ERBB4: variants seen among roughly 807,000 people sequenced by gnomAD.
The protein encoded by ERBB4 is receptor tyrosine-protein kinase erbB-4.
Under a neutral mutation model 158.0 loss-of-function variants are expected in ERBB4, and 42 were observed. The ratio of observed to expected loss-of-function variants is 0.27; its 90% CI spans 0.21 to 0.34. The LOEUF (loss-of-function observed/expected upper bound fraction) is 0.34. Among genes scored for constraint, ERBB4 ranks in the 10% least tolerant of loss-of-function variants. ERBB4 has a pLI of 1.00. For synonymous variants in ERBB4, 583 were observed against 558.7 expected, an observed-to-expected ratio of 1.04 and a Z score of -0.61; for missense variants, 1,333 against 1,624.1, an observed-to-expected ratio of 0.82 and a Z score of 3.08.
At chr2:212,439,423 C>T (rs540610395) in intron 1 of ERBB4, among the ~76,000 whole-genome samples, 7 of 151,926 alleles carry the variant, frequency 4.6e-5, no homozygotes, top group Non-Finnish European at 7.4e-5. Flanking sequence ...ACAAATGTAC[C>T]GTCTCCAAAC....
At chr2:211,861,157 A>AT (rs1445918264) in intron 3 of ERBB4, among the ~76,000 whole-genome samples, 1 of 29,894 alleles carries the variant, frequency 3.3e-5, no homozygotes, top group African/African-American at 1.1e-4. Flanking sequence ...TATATATATT[A>AT]AAAAAAAGTA....
At chr2:211,945,108 T>C (rs1342805153) in intron 3 of ERBB4, among the ~76,000 whole-genome samples, 1 of 152,190 alleles carries the variant, frequency 6.6e-6, no homozygotes, top group Non-Finnish European at 1.5e-5. Flanking sequence ...TACCTGAACT[T>C]AATTACGGCA....
Position 211,378,072 on chromosome 2 carries a change from G to A in ERBB4, c.*5543C>T, listed in dbSNP as rs1295114786. On this transcript the variant is annotated 3_prime_UTR_variant, in exon 28 of 28. Coordinates refer to ENST00000342788, the MANE Select transcript of ERBB4 (RefSeq NM_005235.3). The stretch of plus-strand genomic sequence containing the variant: ...CTTAAGAAAGGAACAGGACAGCATC[G>A]GGGGACTACTTTGAACCAGGGTGGT... The A allele has an allele frequency of 3.0e-5, 7 of 232,948 alleles. No homozygotes were observed. The highest frequency in any genetic ancestry group is 4.2e-5 in the Non-Finnish European group (5 of 117,678). 14.4% of individuals were successfully genotyped at this position (232,948 alleles called of 1,614,324 possible).
chr2:212,037,357 T>A (rs2125363177), intron 2 of ERBB4, among the ~76,000 whole-genome samples: 1 of 152,266 alleles, frequency 6.6e-6, no homozygotes, highest in South Asian at 2.1e-4. Context: ...ATCTGGAAGA[T>A]CACAGATGTA....
chr2:211,525,969 C>T (rs572319375), intron 20 of ERBB4, among the ~76,000 whole-genome samples: 1 of 152,214 alleles, frequency 6.6e-6, no homozygotes, highest in African/African-American at 2.4e-5. Context: ...CACTCCAGTC[C>T]CTAGCTGCCA....
At chr2:211,690,721 G>T (rs988287561) in intron 12 of ERBB4, among the ~76,000 whole-genome samples, 4 of 152,032 alleles carry the variant, frequency 2.6e-5, no homozygotes, top group Non-Finnish European at 4.4e-5. Flanking sequence ...AGAAATTTTC[G>T]ATCAGCACCA....
intron 1 of ERBB4, among the ~76,000 whole-genome samples, chr2:212,260,877 A>T (rs1319677208): frequency 6.6e-6 from 1 of 152,176 alleles, no homozygotes; most frequent in Non-Finnish European, 1.5e-5. Context: ...TGGTTATTTG[A>T]AGAAAAGGGT....
At chr2:212,440,340 C>G (rs2092227355) in intron 1 of ERBB4, among the ~76,000 whole-genome samples, 1 of 152,178 alleles carries the variant, frequency 6.6e-6, no homozygotes, top group South Asian at 2.1e-4. Flanking sequence ...GGCCTAGCAT[C>G]CCAGGCTACA....
At position 211,725,078 on chromosome 2, in the gene ERBB4, A is replaced by C. The variant is rs1002919319; in HGVS notation, c.739T>G (p.Phe247Val). The C allele has an allele frequency of 6.3e-7, 1 of 1,586,862 alleles. No individual in the cohort carries two copies. Among genetic ancestry groups the C allele is most frequent in the Non-Finnish European group, 8.7e-7 (1 of 1,155,016 alleles). The change falls in exon 6 of 28, where the codon TTT (phenylalanine) becomes GTT (valine). Residue 247 changes from phenylalanine (F) to valine (V), a missense_variant and splice_region_variant. This residue lies in a region of ERBB4 where 438 missense variants were observed against 586.9 expected (regional missense o/e 0.75). Coordinates refer to ENST00000342788, the MANE Select transcript of ERBB4 (RefSeq NM_005235.3). ...GCSGPKDTDC[F>V]ACMNFNDSGA... ...AAAGAGAGAAATCACAGACATACAAAGCAGTCTGTGTCCTTAGGTCCTGAG... is the reference window on the plus strand; with the variant it reads ...AAAGAGAGAAATCACAGACATACAACGCAGTCTGTGTCCTTAGGTCCTGAG...
chr2:211,703,569 G>A (rs1162655249), intron 11 of ERBB4, among the ~76,000 whole-genome samples: 2 of 152,094 alleles, frequency 1.3e-5, no homozygotes, highest in Non-Finnish European at 2.9e-5. Context: ...CTCTTATAAC[G>A]TGAATTTAAA....
intron 3 of ERBB4, among the ~76,000 whole-genome samples, chr2:211,800,929 T>C (rs1279038924): frequency 6.6e-6 from 1 of 152,214 alleles, no homozygotes; most frequent in Non-Finnish European, 1.5e-5. Flanking sequence ...TTGAAAGCTC[T>C]GCTTTAATGA....
chr2:212,060,333 G>A (rs543514227), intron 2 of ERBB4, among the ~76,000 whole-genome samples: 11 of 151,862 alleles, frequency 7.2e-5, no homozygotes, highest in Non-Finnish European at 1.3e-4. Flanking sequence ...AGGATGTGGA[G>A]AAATAGGAAC....
chr2:211,602,553 A>G (rs372694024), intron 19 of ERBB4, among the ~76,000 whole-genome samples: 4 of 152,196 alleles, frequency 2.6e-5, no homozygotes, highest in Admixed American at 1.3e-4. Flanking sequence ...CAACTCAAAC[A>G]AAGTATGGAC....
chr2:211,787,511 A>C (rs1407771504), intron 4 of ERBB4, among the ~76,000 whole-genome samples: 1 of 152,212 alleles, frequency 6.6e-6, no homozygotes, highest in Non-Finnish European at 1.5e-5. Flanking sequence ...TATGAAATCT[A>C]TATTTCTCCA....
chr2:212,195,410 C>A (rs1333349996), intron 1 of ERBB4, among the ~76,000 whole-genome samples: 2 of 151,926 alleles, frequency 1.3e-5, no homozygotes, highest in Non-Finnish European at 2.9e-5. Context: ...TATAGTGTAT[C>A]ACATAACAAG....
At chr2:211,480,628 T>C (rs1251372070) in intron 20 of ERBB4, among the ~76,000 whole-genome samples, 1 of 152,174 alleles carries the variant, frequency 6.6e-6, no homozygotes, top group East Asian at 1.9e-4. Flanking sequence ...GGTAGTTCTT[T>C]ATAGTGGCAT....
intron 20 of ERBB4, among the ~76,000 whole-genome samples, chr2:211,463,991 G>A (rs2064606697): frequency 6.6e-6 from 1 of 151,986 alleles, no homozygotes; most frequent in South Asian, 2.1e-4. Context: ...TGTTTATAGT[G>A]TTGTTTCCCC....
intron 1 of ERBB4, among the ~76,000 whole-genome samples, chr2:212,163,190 C>A (rs936298613): frequency 6.6e-6 from 1 of 151,888 alleles, no homozygotes; most frequent in Non-Finnish European, 1.5e-5. Flanking sequence ...AACAAATGAG[C>A]CCTAAATGCT....
At chr2:211,997,148 G>T (rs2082219072) in intron 2 of ERBB4, among the ~76,000 whole-genome samples, 1 of 152,054 alleles carries the variant, frequency 6.6e-6, no homozygotes, top group Non-Finnish European at 1.5e-5. Flanking sequence ...CCGTTTGCCG[G>T]ATTAACTGCA....
Sources: allele counts gnomAD v4.1 joint callset (sites outside exome capture counted in the v4.1 genomes callset), GRCh38; gene constraint gnomAD v4.1.1; regional missense constraint gnomAD v4.1.1; transcripts MANE v1.5; gene names NCBI Gene and HGNC (gene_info 2026-07-23, HGNC 2026-07-21).